Variants in MMP28 observed in about 807,000 individuals in gnomAD.
The protein encoded by MMP28 is matrix metalloproteinase-28.
In MMP28, 55 loss-of-function variants were observed where a neutral mutation model predicts 60.5. The ratio of observed to expected loss-of-function variants is 0.91; its 90% CI spans 0.73 to 1.14. The LOEUF (loss-of-function observed/expected upper bound fraction) is 1.14, where lower values mean the gene tolerates loss of function less well. Ranked by LOEUF, MMP28 falls within the 50% of genes most tolerant of loss-of-function variation. The pLI, the probability that MMP28 is intolerant of heterozygous loss-of-function variation, is 0.00. For missense variants in MMP28, 686 were observed against 738.3 expected, an observed-to-expected ratio of 0.93 and a Z score of 0.82; for synonymous variants, 318 against 312.5, an observed-to-expected ratio of 1.02 and a Z score of -0.18.
At chr17:35,764,436 C>T (rs1419111218), downstream of MMP28, 3 of 1,544,948 alleles carry the variant, frequency 1.9e-6, no homozygotes, top group African/African-American at 4.2e-5. Context: ...GAAGCGGAGC[C>T]TCCCGGAGGA....
intron 1 of MMP28, among the ~76,000 whole-genome samples, chr17:35,781,331 C>T (rs1013820612): frequency 2.0e-5 from 3 of 152,182 alleles, no homozygotes; most frequent in East Asian, 1.9e-4. Context: ...GATGGGGGTG[C>T]GTGGGTTTAA....
At chr17:35,782,051 CTTTT>C (rs1399946214) in intron 1 of MMP28, among the ~76,000 whole-genome samples, 5 of 130,846 alleles carry the variant, frequency 3.8e-5, no homozygotes, top group Admixed American at 7.7e-5. Context: ...GTATTTCTCT[CTTTT>C]TTTTTTTTTT....
chr17:35,783,439 T>C (rs148916721), intron 1 of MMP28, among the ~76,000 whole-genome samples: 1 of 152,358 alleles, frequency 6.6e-6, no homozygotes, highest in Non-Finnish European at 1.5e-5. Context: ...TGACCTCAGC[T>C]GGATGCCTGG....
Position 35,766,599 on chromosome 17 carries a change from G to C in MMP28, c.1464C>G (p.Leu488=). The part of the protein sequence containing the change: ...IFFRDDRYWR[L]DQAKLQATTS... ...TGGTTGCCTGCAGTTTGGCCTGGTC[G>C]AGGCGCCAGTAGCGGTCATCTCGGA... The change falls in exon 8 of 8, where the codon CTC becomes CTG. Residue 488 remains leucine, a synonymous_variant. Coordinates refer to ENST00000605424, the MANE Select transcript of MMP28 (RefSeq NM_024302.5). This position sits in a 1 kb window ranked among gnomAD's most constrained non-coding sequence, Gnocchi z 4.3. 1 of 1,612,570 alleles carries C rather than the reference G, an allele frequency of 6.2e-7. No homozygotes were observed. Among genetic ancestry groups the C allele is most frequent in the Non-Finnish European group, 8.5e-7 (1 of 1,179,746 alleles).
downstream of MMP28, among the ~76,000 whole-genome samples, chr17:35,763,023 GAGGC>G (rs1453389570): frequency 6.6e-6 from 1 of 151,868 alleles, no homozygotes; most frequent in African/African-American, 2.4e-5. Context: ...TCGGGAGGCT[GAGGC>G]AGGAGAATGG....
intron 1 of MMP28, among the ~76,000 whole-genome samples, chr17:35,788,061 G>A (rs553462375): frequency 1.3e-5 from 2 of 151,636 alleles, no homozygotes; most frequent in East Asian, 1.9e-4. Context: ...ATGTGCCATC[G>A]TGCCTGGCTA....
intron 1 of MMP28, among the ~76,000 whole-genome samples, chr17:35,794,586 CA>C (rs2086910698): frequency 6.6e-6 from 1 of 152,036 alleles, no homozygotes; most frequent in South Asian, 2.1e-4. Flanking sequence ...TATTGATCCC[CA>C]CCCCTACCTC....
intron 4 of MMP28, among the ~76,000 whole-genome samples, chr17:35,772,955 A>G (rs544624166): frequency 1.3e-5 from 2 of 152,198 alleles, no homozygotes; most frequent in Non-Finnish European, 2.9e-5. Context: ...TTTGCAAAGC[A>G]CTTCCCTTGC....
downstream of MMP28, chr17:35,765,721 C>T (rs2085920751): frequency 4.5e-6 from 2 of 443,424 alleles, no homozygotes; most frequent in South Asian, 1.9e-4. Context: ...GAGGCAGGCC[C>T]CTTCTCTCCA....
At position 35,766,633 on chromosome 17, in the gene MMP28, A is replaced by G; in HGVS notation, c.1430T>C (p.Ile477Thr). 6.2e-7 allele frequency: 1 copy of G among 1,612,602 alleles called. No homozygotes were observed. Among genetic ancestry groups the G allele is most frequent in the Non-Finnish European group, 8.5e-7 (1 of 1,179,658 alleles). ...SGALPRPDGSIIFFRDDRYWR... is the reference protein window; with the variant it reads ...SGALPRPDGSTIFFRDDRYWR... The stretch of plus-strand genomic sequence containing the variant: ...GTAGCGGTCATCTCGGAAGAAGATG[A>G]TGGAGCCATCGGGCCTCGGCAGGGC... Residue 477 changes from isoleucine to threonine, a missense_variant, in exon 8 of 8, where the codon ATC (isoleucine) becomes ACC (threonine). Coordinates refer to ENST00000605424, the MANE Select transcript of MMP28 (RefSeq NM_024302.5). This position sits in a 1 kb window ranked among gnomAD's most constrained non-coding sequence, Gnocchi z 4.3.
intron 3 of MMP28, among the ~76,000 whole-genome samples, chr17:35,776,786 G>A (rs1363189524): frequency 6.6e-6 from 1 of 152,092 alleles, no homozygotes; most frequent in Non-Finnish European, 1.5e-5. Flanking sequence ...CTATTCAGGA[G>A]GCTGGGGCAG....
intron 1 of MMP28, among the ~76,000 whole-genome samples, chr17:35,783,986 T>G (rs775347662): frequency 2.6e-5 from 4 of 152,136 alleles, no homozygotes; most frequent in African/African-American, 9.7e-5. Flanking sequence ...TTTGTATTTC[T>G]ATAAAAGCAC....
At chr17:35,769,238 A>C (rs895885472) in intron 5 of MMP28, among the ~76,000 whole-genome samples, 1 of 152,174 alleles carries the variant, frequency 6.6e-6, no homozygotes, top group African/African-American at 2.4e-5. Context: ...GGTGTGTTGC[A>C]TGTCAAGTGC....
intron 1 of MMP28, among the ~76,000 whole-genome samples, chr17:35,785,723 A>C (rs2086628759): frequency 6.6e-6 from 1 of 152,164 alleles, no homozygotes; most frequent in Non-Finnish European, 1.5e-5. Context: ...CTGGGATTAC[A>C]GGCTTGAGCC....
At chr17:35,769,984 C>G in intron 5 of MMP28, 83 bp downstream of exon 5, 1 of 1,446,822 alleles carries the variant, frequency 6.9e-7, no homozygotes, top group Non-Finnish European at 9.1e-7. Context: ...ATGGGAAATC[C>G]TATTTGCAGA....
intron 4 of MMP28, among the ~76,000 whole-genome samples, chr17:35,772,851 C>G (rs2086201119): frequency 3.3e-5 from 5 of 152,118 alleles, no homozygotes. Flanking sequence ...AACATCCACT[C>G]TGGAGAACAA....
At chr17:35,776,431 C>T (rs2086332841) in intron 3 of MMP28, among the ~76,000 whole-genome samples, 1 of 152,152 alleles carries the variant, frequency 6.6e-6, no homozygotes, top group Non-Finnish European at 1.5e-5. Flanking sequence ...CCGCCTCAGC[C>T]TCCCAAATCG....
intron 3 of MMP28, among the ~76,000 whole-genome samples, chr17:35,775,344 C>T (rs868124173): frequency 8.5e-5 from 13 of 152,198 alleles, no homozygotes; most frequent in Non-Finnish European, 1.5e-5. Context: ...CCGCTTCAGG[C>T]CCTGACCCAA....
chr17:35,760,968 G>A (rs1568117042), downstream of MMP28: 1 of 1,612,086 alleles, frequency 6.2e-7, no homozygotes, highest in African/African-American at 1.3e-5. Flanking sequence ...AGTGGGGCTG[G>A]AGGCAGGGTG....
Sources: allele counts gnomAD v4.1 joint callset (sites outside exome capture counted in the v4.1 genomes callset), GRCh38; gene constraint gnomAD v4.1.1; non-coding constraint Gnocchi (gnomAD v3.1); transcripts MANE v1.5; gene names NCBI Gene and HGNC (gene_info 2026-07-23, HGNC 2026-07-21).